RTL4: variants seen among roughly 807,000 people sequenced by gnomAD.
The protein encoded by RTL4 is retrotransposon Gag-like protein 4.
RTL4 carries 4 observed loss-of-function variants against 5.3 expected under a neutral mutation model. That is an observed-to-expected ratio of 0.75 (90% CI 0.37 to 1.72). RTL4 has a LOEUF of 1.72. Among genes scored for constraint, RTL4 ranks in the 40% most tolerant of loss-of-function variants. RTL4 has a pLI of 0.04. For missense variants in RTL4, 260 were observed against 227.1 expected, an observed-to-expected ratio of 1.14 and a Z score of -0.93; for synonymous variants, 98 against 87.3, an observed-to-expected ratio of 1.12 and a Z score of -0.68.
At chrX:112,250,111 C>A in the RTL4 span, among the ~76,000 whole-genome samples, 3 of 109,297 alleles carry the variant, frequency 2.7e-5, no homozygotes, top group African/African-American at 1.0e-4. Flanking sequence ...CCCGTCTCTA[C>A]TAAAAAAAAT....
chrX:112,279,607 T>TA, the RTL4 span, among the ~76,000 whole-genome samples: 13 of 109,150 alleles, frequency 1.2e-4, no homozygotes, highest in South Asian at 2.0e-3. Context: ...GAGGTTAACT[T>TA]AAAAAAAAAT....
At chrX:112,100,982 A>C in the RTL4 span, among the ~76,000 whole-genome samples, 1 of 112,255 alleles carries the variant, frequency 8.9e-6, no homozygotes, top group Non-Finnish European at 1.9e-5. Context: ...CAGACCAAAT[A>C]GACAAAAAAA....
chrX:112,234,628 C>T, the RTL4 span, among the ~76,000 whole-genome samples: 2 of 111,944 alleles, frequency 1.8e-5, no homozygotes, highest in Non-Finnish European at 3.8e-5. Flanking sequence ...GAATCCCACC[C>T]GCCCACCTGT....
At chrX:112,401,781 T>C in the RTL4 span, among the ~76,000 whole-genome samples, 1 of 112,134 alleles carries the variant, frequency 8.9e-6, no homozygotes, top group Non-Finnish European at 1.9e-5. Context: ...TCCCACTCTG[T>C]TGGATGTTAC....
At chrX:112,087,309 AG>A in the RTL4 span, among the ~76,000 whole-genome samples, 1 of 107,615 alleles carries the variant, frequency 9.3e-6, no homozygotes, top group Admixed American at 9.9e-5. Context: ...TCCCTCTCCC[AG>A]GAGTAGATTG....
chrX:112,144,923 G>A, the RTL4 span, among the ~76,000 whole-genome samples: 3 of 111,530 alleles, frequency 2.7e-5, no homozygotes, highest in Admixed American at 1.9e-4. Flanking sequence ...CTGTTTTCAA[G>A]GCTCCTGATG....
the RTL4 span, among the ~76,000 whole-genome samples, chrX:112,117,194 C>T: frequency 9.2e-6 from 1 of 108,615 alleles, no homozygotes; most frequent in Admixed American, 9.9e-5. Context: ...CACTATTTAC[C>T]ACATAATCGT....
chrX:112,314,346 G>C, the RTL4 span, among the ~76,000 whole-genome samples: 1 of 110,014 alleles, frequency 9.1e-6, no homozygotes. Flanking sequence ...TGTAATCCTA[G>C]TAATGGGAAC....
chrX:112,361,790 C>T, the RTL4 span, among the ~76,000 whole-genome samples: 1 of 111,096 alleles, frequency 9.0e-6, no homozygotes, highest in East Asian at 2.8e-4. Context: ...TATAGTGGCT[C>T]ATTTTGGTTA....
At chrX:112,095,746 C>G in the RTL4 span, among the ~76,000 whole-genome samples, 1 of 111,050 alleles carries the variant, frequency 9.0e-6, no homozygotes, top group African/African-American at 3.3e-5. Flanking sequence ...TGATACTGAC[C>G]AAGTCAAGGG....
chrX:112,384,282 C>G, the RTL4 span, among the ~76,000 whole-genome samples: 1 of 112,084 alleles, frequency 8.9e-6, no homozygotes, highest in Admixed American at 9.5e-5. Flanking sequence ...AGTCTTTGCC[C>G]ATGCCTATGT....
chrX:112,450,560 A>C (rs1926718069), upstream of RTL4, among the ~76,000 whole-genome samples: 1 of 111,625 alleles, frequency 9.0e-6, no homozygotes, highest in Non-Finnish European at 1.9e-5. Context: ...AATTTCCAAA[A>C]TGAAGAGGCA....
chrX:112,336,576 C>T, the RTL4 span, among the ~76,000 whole-genome samples: 8 of 111,678 alleles, frequency 7.2e-5, no homozygotes, highest in African/African-American at 1.3e-4. Context: ...GTTCTAAAAC[C>T]GTACTGTGCA....
chrX:112,269,344 A>C, the RTL4 span, among the ~76,000 whole-genome samples: 1 of 111,285 alleles, frequency 9.0e-6, no homozygotes, highest in African/African-American at 3.3e-5. Context: ...ACTTTTCTAA[A>C]CTTTTGTTTT....
the RTL4 span, among the ~76,000 whole-genome samples, chrX:112,315,461 G>A: frequency 9.0e-6 from 1 of 111,254 alleles, no homozygotes; most frequent in Non-Finnish European, 1.9e-5. Flanking sequence ...AAAGTAAAAC[G>A]TTTATTTGAA....
the RTL4 span, among the ~76,000 whole-genome samples, chrX:112,253,527 G>A: frequency 8.9e-6 from 1 of 112,294 alleles, no homozygotes; most frequent in South Asian, 3.6e-4. Context: ...ATGGACCTGT[G>A]GGAGACTTAC....
At chrX:112,436,333 G>T in the RTL4 span, among the ~76,000 whole-genome samples, 3 of 111,266 alleles carry the variant, frequency 2.7e-5, no homozygotes, top group East Asian at 8.5e-4. Flanking sequence ...AAGTGGAGTT[G>T]AATGGGTAGG....
chrX:112,241,092 A>T, the RTL4 span, among the ~76,000 whole-genome samples: 4 of 111,389 alleles, frequency 3.6e-5, no homozygotes, highest in Non-Finnish European at 7.5e-5. Flanking sequence ...GGTTGGTTCC[A>T]AGTCTTTGCT....
the RTL4 span, among the ~76,000 whole-genome samples, chrX:112,410,559 G>A: frequency 8.9e-6 from 1 of 111,826 alleles, no homozygotes; most frequent in Non-Finnish European, 1.9e-5. Flanking sequence ...TGAATAAAAT[G>A]AGGAATCAAT....
Sources: gnomAD v4.1 joint callset for allele counts (sites outside exome capture counted in the v4.1 genomes callset) on GRCh38, gnomAD v4.1.1 for gene constraint, MANE v1.5 for transcripts, NCBI Gene and HGNC (gene_info 2026-07-23, HGNC 2026-07-21) for gene names.